The following RAP1B variants were observed in gnomAD, a reference collection of about 807,000 sequenced individuals.
The protein encoded by RAP1B is ras-related protein Rap-1b.
RAP1B carries 1 observed loss-of-function variant against 27.5 expected under a neutral mutation model. That is an observed-to-expected ratio of 0.04 (90% CI 0.01 to 0.17). The LOEUF is 0.17. Among genes scored for constraint, RAP1B ranks in the 10% least tolerant of loss-of-function variants. The pLI is 1.00. For synonymous variants in RAP1B, 75 were observed against 73.1 expected (o/e 1.03, Z -0.13); for missense variants, 84 against 214.8 (o/e 0.39, Z 3.81).
chr12:68,635,329 GAC>G (rs1192139909), intron 1 of RAP1B, among the ~76,000 whole-genome samples: 1 of 152,164 alleles, frequency 6.6e-6, no homozygotes, highest in Non-Finnish European at 1.5e-5. Context: ...ATGAGAAAAG[GAC>G]ACAGTTACCC....
At chr12:68,630,331 C>T (rs2135933140) in intron 1 of RAP1B, among the ~76,000 whole-genome samples, 1 of 152,290 alleles carries the variant, frequency 6.6e-6, no homozygotes, top group African/African-American at 2.4e-5. Flanking sequence ...CTGAAGCCAG[C>T]TGTGGACAAG....
chr12:68,620,062 G>A (rs1871285123), intron 1 of RAP1B, among the ~76,000 whole-genome samples: 1 of 151,764 alleles, frequency 6.6e-6, no homozygotes, highest in Non-Finnish European at 1.5e-5. Flanking sequence ...TTCAAGTTTA[G>A]TAATGTCTTT....
intron 1 of RAP1B, among the ~76,000 whole-genome samples, chr12:68,623,975 T>A (rs2956527): frequency 6.6e-6 from 1 of 151,468 alleles, no homozygotes; most frequent in South Asian, 2.1e-4. Context: ...GAGCCGAGAT[T>A]GCGCCATGGC....
intron 1 of RAP1B, among the ~76,000 whole-genome samples, chr12:68,619,891 C>T (rs1177787443): frequency 1.3e-5 from 2 of 152,060 alleles, no homozygotes; most frequent in Non-Finnish European, 2.9e-5. Flanking sequence ...TATTTTTAAG[C>T]CTATTTTTGG....
At position 68,662,034 on chromosome 12, in the gene RAP1B, T is replaced by TATATATATATATA. The variant is rs1565677504; in HGVS notation, c.*2792_*2793insTATATAATATATA. 1.9e-4 allele frequency: 24 copies of TATATATATATATA among 127,798 alleles called. No homozygotes were observed. Among genetic ancestry groups the TATATATATATATA allele is most frequent in the African/African-American group, 6.1e-4 (22 of 36,178 alleles). The allele number at this position is 127,798 out of a possible 1,614,324, so 7.9% of individuals were successfully genotyped here. On this transcript the variant is annotated 3_prime_UTR_variant, in exon 8 of 8. Coordinates refer to ENST00000250559, the MANE Select transcript of RAP1B (RefSeq NM_001010942.3). The stretch of plus-strand genomic sequence containing the variant: ...TATATATATATATATATATATATAT[T>TATATATATATATA]ATATATAGTACATATATAGAGAGAG...
In RAP1B at chr12:68,627,356, G is replaced by A. The variant is rs528301868; in HGVS notation, c.-27+16313G>A. The A allele has an allele frequency of 2.0e-5, 14 of 716,906 alleles. No individual in the cohort carries two copies. The African/African-American group carries it at 2.1e-4, about 11-fold the overall frequency. The allele number at this position is 716,906 out of a possible 1,614,324, so 44.4% of individuals were successfully genotyped here. A position where few individuals can be genotyped will look rare whatever the true frequency, so the allele number is the denominator to read the frequency against. On this transcript the variant is annotated intron_variant, in intron 1 of 7. Coordinates refer to ENST00000250559, the MANE Select transcript of RAP1B (RefSeq NM_001010942.3). The stretch of plus-strand genomic sequence containing the variant: ...GCCCCCCCATGAGGAAAGGAACTCA[G>A]TTGGCTTAATAGGCTGCAGCAGGGT...
chr12:68,621,676 A>G (rs112951545), intron 1 of RAP1B, among the ~76,000 whole-genome samples: 2 of 152,344 alleles, frequency 1.3e-5, no homozygotes, highest in South Asian at 2.1e-4. Flanking sequence ...GTTAAAAGCA[A>G]TTCACTTCAC....
In RAP1B at chr12:68,671,045, AAAAG is replaced by A. The variant is rs1399444996; in HGVS notation, c.*11797_*11800del. The A allele has an allele frequency of 1.3e-5, 2 of 151,976 alleles. No homozygotes were observed. The highest frequency in any genetic ancestry group is 2.1e-4 in the South Asian group (1 of 4,826). 9.4% of individuals were successfully genotyped at this position (151,976 alleles called of 1,614,324 possible). ...CTCCGTTTAAAAAAAAAAAAAAAAAAAAAGGTAAACTATTCAAAAGATAAATGGT... is the reference window on the plus strand; with the variant it reads ...CTCCGTTTAAAAAAAAAAAAAAAAAAGTAAACTATTCAAAAGATAAATGGT... On this transcript the variant is annotated 3_prime_UTR_variant, in exon 8 of 8. Coordinates refer to ENST00000250559, the MANE Select transcript of RAP1B (RefSeq NM_001010942.3).
At chr12:68,641,308 C>T (rs753177178) in intron 1 of RAP1B, among the ~76,000 whole-genome samples, 2 of 152,210 alleles carry the variant, frequency 1.3e-5, no homozygotes, top group East Asian at 3.8e-4. Flanking sequence ...GCCACCACCC[C>T]CTTCTTCCAC....
intron 1 of RAP1B, among the ~76,000 whole-genome samples, chr12:68,623,405 A>G (rs1372649392): frequency 6.6e-6 from 1 of 152,248 alleles, no homozygotes; most frequent in African/African-American, 2.4e-5. Context: ...AGTAAATTCA[A>G]GAGTGTTTTG....
rs933744633 is a variant in RAP1B, at chr12:68,660,952, C to G, written c.*1703C>G. The stretch of plus-strand genomic sequence containing the variant: ...GATGTGGATTAAGCACTTAGAGAAT[C>G]GATATTTTTCTTAAATATGCTATAA... On this transcript the variant is annotated 3_prime_UTR_variant, in exon 8 of 8. Coordinates refer to ENST00000250559, the MANE Select transcript of RAP1B (RefSeq NM_001010942.3). 1 of 151,948 alleles carries G rather than the reference C, an allele frequency of 6.6e-6. No homozygotes were observed. The highest frequency in any genetic ancestry group is 2.4e-5 in the African/African-American group (1 of 41,362). The allele number at this position is 151,948 out of a possible 1,614,324, so 9.4% of individuals were successfully genotyped here. A position where few individuals can be genotyped will look rare whatever the true frequency, so the allele number is the denominator to read the frequency against.
chr12:68,654,359 G>GA lies in RAP1B; in HGVS notation c.324+107_324+108insA, dbSNP rs374042586. 3.8e-4 allele frequency: 168 copies of GA among 441,304 alleles called. 43 individuals are homozygous for GA. The East Asian group carries it at 0.013, about 34-fold the overall frequency. 27.3% of individuals were successfully genotyped at this position (441,304 alleles called of 1,614,324 possible). ...AGCTTGTGTATTTTGGTTGGGGGGG[G>GA]GGTGTTGGTTTTTTTAAACTTTTTC... On this transcript the variant is annotated intron_variant, in intron 5 of 7. Transcript: ENST00000250559.
At chr12:68,640,135 G>A (rs1275388947) in intron 1 of RAP1B, among the ~76,000 whole-genome samples, 2 of 152,042 alleles carry the variant, frequency 1.3e-5, no homozygotes, top group Non-Finnish European at 2.9e-5. Context: ...CACCATGCCC[G>A]GCCCAAAGAT....
At chr12:68,613,389 T>C (rs1438663343) in intron 1 of RAP1B, among the ~76,000 whole-genome samples, 8 of 123,370 alleles carry the variant, frequency 6.5e-5, no homozygotes, top group African/African-American at 2.5e-4. Flanking sequence ...AGACCTGTCT[T>C]AAAAAAAAAA....
intron 1 of RAP1B, among the ~76,000 whole-genome samples, chr12:68,632,845 A>AT (rs909643164): frequency 6.6e-6 from 1 of 152,052 alleles, no homozygotes; most frequent in African/African-American, 2.4e-5. Context: ...TGGGCTAATG[A>AT]TTTTTTTAGA....
At chr12:68,627,196 G>T in intron 1 of RAP1B, 2 of 1,528,716 alleles carry the variant, frequency 1.3e-6, no homozygotes, top group Non-Finnish European at 1.8e-6. Flanking sequence ...CTACACTGGG[G>T]TAGTGCAAGG....
rs1300535867 is a variant in RAP1B, at chr12:68,669,171, T to C, written c.*9922T>C. The C allele has an allele frequency of 2.6e-5, 4 of 152,156 alleles. No homozygotes were observed. Among genetic ancestry groups the C allele is most frequent in the African/African-American group, 9.7e-5 (4 of 41,442 alleles). 9.4% of individuals were successfully genotyped at this position (152,156 alleles called of 1,614,324 possible). A position where few individuals can be genotyped will look rare whatever the true frequency, so the allele number is the denominator to read the frequency against. ...TATAAAAAATACCTACAAGTTGATATAGTAAACACGACAGATAAAAACTAA... is the reference window on the plus strand; with the variant it reads ...TATAAAAAATACCTACAAGTTGATACAGTAAACACGACAGATAAAAACTAA... On this transcript the variant is annotated 3_prime_UTR_variant, in exon 8 of 8. Coordinates refer to ENST00000250559, the MANE Select transcript of RAP1B (RefSeq NM_001010942.3).
Position 68,669,375 on chromosome 12 carries a change from G to C in RAP1B, c.*10126G>C, listed in dbSNP as rs1014578078. 6.6e-6 allele frequency: 1 copy of C among 152,108 alleles called. No homozygotes were observed. Among genetic ancestry groups the C allele is most frequent in the Non-Finnish European group, 1.5e-5 (1 of 68,000 alleles). 9.4% of individuals were successfully genotyped at this position (152,108 alleles called of 1,614,324 possible). On this transcript the variant is annotated 3_prime_UTR_variant, in exon 8 of 8. Transcript: ENST00000250559. The stretch of plus-strand genomic sequence containing the variant: ...TTCAACTGGCTGAGGCTTTGTTTTT[G>C]TTTTTGATTTTTTAATAGACTGGAT...
At chr12:68,632,292 C>A (rs1412496619) in intron 1 of RAP1B, among the ~76,000 whole-genome samples, 1 of 151,830 alleles carries the variant, frequency 6.6e-6, no homozygotes, top group Admixed American at 6.6e-5. Context: ...TGTGAACATA[C>A]CCGGCTAACT....
Sources: allele counts gnomAD v4.1 joint callset (sites outside exome capture counted in the v4.1 genomes callset), GRCh38; gene constraint gnomAD v4.1.1; transcripts MANE v1.5; gene names NCBI Gene and HGNC (gene_info 2026-07-23, HGNC 2026-07-21).